ZNF565: variants seen among roughly 807,000 people sequenced by gnomAD.
The protein encoded by ZNF565 is zinc finger protein 565.
A neutral mutation model predicts 39.4 loss-of-function variants in ZNF565; 27 were observed. The ratio of observed to expected loss-of-function variants is 0.69; its 90% CI spans 0.51 to 0.95. The LOEUF is 0.95. Ranked by LOEUF, ZNF565 falls within the 40% of genes least tolerant of loss-of-function variation. ZNF565 has a pLI of 0.00. For synonymous variants in ZNF565, 185 were observed against 216.6 expected (o/e 0.85, Z 1.28); for missense variants, 524 against 621.1 (o/e 0.84, Z 1.66).
At chr19:36,216,151 A>G (rs1419534825), upstream of ZNF565, among the ~76,000 whole-genome samples, 1 of 152,228 alleles carries the variant, frequency 6.6e-6, no homozygotes, top group East Asian at 1.9e-4. Flanking sequence ...TACAAATATC[A>G]GTTAGAATAC....
chr19:36,182,941 T>G lies in ZNF565; in HGVS notation c.1025A>C (p.Lys342Thr). The G allele has an allele frequency of 6.2e-7, 1 of 1,614,096 alleles. No homozygotes were observed. The highest frequency in any genetic ancestry group is 1.1e-5 in the South Asian group (1 of 91,076). ...EKPYECKECGKGFIHSSEVTR... is the reference protein window; with the variant it reads ...EKPYECKECGTGFIHSSEVTR... The stretch of plus-strand genomic sequence containing the variant: ...AACTTCTGAGCTGTGAATAAAGCCC[T>G]TTCCGCATTCCTTACACTCGTAGGG... The change falls in exon 5 of 5, where the codon AAG becomes ACG. Residue 342 changes from lysine (K) to threonine (T), a missense_variant. Transcript: ENST00000304116.
At chr19:36,222,671 G>A (rs979814106) in intron 1 of ZNF565, among the ~76,000 whole-genome samples, 1 of 151,674 alleles carries the variant, frequency 6.6e-6, no homozygotes, top group Non-Finnish European at 1.5e-5. Context: ...TATTAATCTA[G>A]GAACTGTCTA....
intron 1 of ZNF565, among the ~76,000 whole-genome samples, chr19:36,208,989 C>A (rs545146030): frequency 6.6e-6 from 1 of 152,038 alleles, no homozygotes; most frequent in Non-Finnish European, 1.5e-5. Context: ...TGCATCACCA[C>A]GTCTGGCTAG....
rs138469289 is a variant in ZNF565 at position 36,245,298 on chromosome 19, C to G, written c.55+178G>C. 2.6e-3 allele frequency among the ~76,000 whole-genome samples: 393 copies of G among 152,278 alleles called. 1 individual carries two copies. Among genetic ancestry groups the G allele is most frequent in the East Asian group, 0.017 (89 of 5,164 alleles). On this transcript the variant is annotated intron_variant, in intron 1 of 4. Transcript: ENST00000355114. The surrounding 1 kb of genome is among the most constrained non-coding windows in gnomAD (Gnocchi z 4.4). Reference sequence around the variant, plus strand: ...CGTGCACCAACTCGCGCCTAGAGGGCGTGTATGACCCCAGCTCAGTTCTAA... The same window carrying G: ...CGTGCACCAACTCGCGCCTAGAGGGGGTGTATGACCCCAGCTCAGTTCTAA...
intron 2 of ZNF565, among the ~76,000 whole-genome samples, chr19:36,199,506 CT>C (rs1183093969): frequency 0.053 from 6,834 of 128,870 alleles, 391 homozygotes; most frequent in African/African-American, 0.17. Flanking sequence ...CTTTCTTTCT[CT>C]TTTTTTTTTT....
chr19:36,220,908 G>C (rs1012124289), intron 1 of ZNF565, among the ~76,000 whole-genome samples: 11 of 150,174 alleles, frequency 7.3e-5, no homozygotes, highest in Non-Finnish European at 1.3e-4. Context: ...GCAGAGTGCA[G>C]TGGTGTGATC....
intron 4 of ZNF565, among the ~76,000 whole-genome samples, chr19:36,189,585 G>A (rs1199033682): frequency 6.6e-6 from 1 of 151,612 alleles, no homozygotes; most frequent in African/African-American, 2.4e-5. Context: ...GCCTCCCAAA[G>A]TGCTGGGATT....
chr19:36,220,983 G>T (rs529222025), intron 1 of ZNF565, among the ~76,000 whole-genome samples: 1 of 151,894 alleles, frequency 6.6e-6, no homozygotes, highest in South Asian at 2.1e-4. Flanking sequence ...CTCCTGAGTA[G>T]CTGGGATTAC....
intron 1 of ZNF565, among the ~76,000 whole-genome samples, chr19:36,244,582 C>T (rs900062068): frequency 6.6e-6 from 1 of 151,922 alleles, no homozygotes; most frequent in African/African-American, 2.4e-5. Flanking sequence ...GCTGGGCACG[C>T]TGGCTCACGC....
chr19:36,237,132 T>TGAGAAGCCATACAGGG, intron 1 of ZNF565: 1 of 1,614,158 alleles, frequency 6.2e-7, no homozygotes, highest in Non-Finnish European at 8.5e-7. Flanking sequence ...ACTGTGCATG[T>TGAGAAGCCATACAGGG]GAGAAGCCAT....
intron 4 of ZNF565, among the ~76,000 whole-genome samples, chr19:36,191,934 G>A (rs993452094): frequency 3.3e-5 from 5 of 151,976 alleles, no homozygotes; most frequent in African/African-American, 7.3e-5. Flanking sequence ...TATCAATTAC[G>A]GATGGAAACT....
intron 1 of ZNF565, among the ~76,000 whole-genome samples, chr19:36,205,574 T>C (rs945693901): frequency 6.6e-6 from 1 of 152,056 alleles, no homozygotes; most frequent in Non-Finnish European, 1.5e-5. Context: ...ATTAATGAAA[T>C]GGAAGGAAAC....
upstream of ZNF565, chr19:36,214,848 C>T (rs572488689): frequency 2.6e-5 from 4 of 152,762 alleles, no homozygotes; most frequent in East Asian, 7.7e-4. Context: ...CCAGACCTTC[C>T]AGCAAGCTTG....
chr19:36,211,132 C>G (rs1288489142), intron 1 of ZNF565, among the ~76,000 whole-genome samples: 1 of 151,906 alleles, frequency 6.6e-6, no homozygotes, highest in Non-Finnish European at 1.5e-5. Context: ...AGAAAAATAT[C>G]TTTCTAACAG....
intron 1 of ZNF565, chr19:36,238,135 A>G (rs563900565): frequency 7.8e-4 from 131 of 167,240 alleles, no homozygotes; most frequent in Non-Finnish European, 1.5e-3. Context: ...ATGTAATACT[A>G]TATATCTGTA....
intron 4 of ZNF565, among the ~76,000 whole-genome samples, chr19:36,192,839 A>G (rs537439192): frequency 1.3e-4 from 19 of 151,344 alleles, no homozygotes; most frequent in African/African-American, 4.1e-4. Context: ...TTTTTGAGAT[A>G]GACGTTCACT....
intron 1 of ZNF565, among the ~76,000 whole-genome samples, chr19:36,207,923 G>A (rs778517601): frequency 6.6e-6 from 1 of 152,154 alleles, no homozygotes; most frequent in Non-Finnish European, 1.5e-5. Flanking sequence ...ACATGTACAT[G>A]AGCAGAAATA....
intron 1 of ZNF565, among the ~76,000 whole-genome samples, chr19:36,220,018 G>C (rs754023856): frequency 6.6e-6 from 1 of 152,106 alleles, no homozygotes; most frequent in Non-Finnish European, 1.5e-5. Flanking sequence ...TTTGATGCCA[G>C]TGGATACCCC....
rs1011702536 is a variant in ZNF565 at position 36,245,254 on chromosome 19, C to T, written c.55+222G>A. Among the ~76,000 whole-genome samples the T allele has an allele frequency of 2.0e-5, 3 of 152,162 alleles. No individual in the cohort carries two copies. Among genetic ancestry groups the T allele is most frequent in the Non-Finnish European group, 2.9e-5 (2 of 68,018 alleles). ...GGTTTAGAGCTACAGGGTTTTCTCC[C>T]TCCCCTGAGACTCTAACGCGTGCAC... On this transcript the variant is annotated intron_variant, in intron 1 of 4. Transcript: ENST00000355114. This position sits in a 1 kb window ranked among gnomAD's most constrained non-coding sequence, Gnocchi z 4.4.
Sources: allele counts gnomAD v4.1 joint callset (sites outside exome capture counted in the v4.1 genomes callset), GRCh38; gene constraint gnomAD v4.1.1; non-coding constraint Gnocchi (gnomAD v3.1); transcripts MANE v1.5; gene names NCBI Gene and HGNC (gene_info 2026-07-23, HGNC 2026-07-21).